Variants in PDE1C observed in about 807,000 individuals in gnomAD.
PDE1C encodes phosphodiesterase 1C.
Under a neutral mutation model 93.1 loss-of-function variants are expected in PDE1C, and 62 were observed. The observed-to-expected ratio is 0.67, with a 90% CI of 0.54 to 0.82. The LOEUF is 0.82. Among genes scored for constraint, PDE1C ranks in the 40% least tolerant of loss-of-function variants. The pLI is 0.00. For missense variants in PDE1C, 742 were observed against 884.6 expected (o/e 0.84, Z 2.04); for synonymous variants, 325 against 310.1 (o/e 1.05, Z -0.50).
intron 2 of PDE1C, among the ~76,000 whole-genome samples, chr7:31,946,414 G>T (rs1450079117): frequency 6.6e-6 from 1 of 152,012 alleles, no homozygotes; most frequent in African/African-American, 2.4e-5. Context: ...TGGAATCCAG[G>T]GCTCAGGGCA....
At chr7:32,231,671 C>A (rs931071818) in intron 1 of PDE1C, among the ~76,000 whole-genome samples, 1 of 152,026 alleles carries the variant, frequency 6.6e-6, no homozygotes. Flanking sequence ...CTGAAAAGGA[C>A]AACACATGAA....
intron 1 of PDE1C, among the ~76,000 whole-genome samples, chr7:32,052,481 A>T (rs1793525206): frequency 6.6e-6 from 1 of 152,196 alleles, no homozygotes; most frequent in African/African-American, 2.4e-5. Flanking sequence ...AAGAGTTTCA[A>T]TAGGCTCAGC....
rs530688131 is a variant in PDE1C, at chr7:32,312,624, G to A, written c.311-103085C>T. Among the ~76,000 whole-genome samples, 13 of 152,246 alleles carry A rather than the reference G, an allele frequency of 8.5e-5. No individual in the cohort carries two copies. In the South Asian group the frequency reaches 2.7e-3, roughly 32 times the overall value. On this transcript the variant is annotated intron_variant, in intron 1 of 1. Transcript: ENST00000672256. Reference sequence around the variant, plus strand: ...GCATATCTACAACCATCTGGTCTTTGACAAACCTGACAAAAACAAGAAATG... The same window carrying A: ...GCATATCTACAACCATCTGGTCTTTAACAAACCTGACAAAAACAAGAAATG...
chr7:32,289,725 T>G (rs1321229755), intron 1 of PDE1C, among the ~76,000 whole-genome samples: 1 of 152,168 alleles, frequency 6.6e-6, no homozygotes, highest in Non-Finnish European at 1.5e-5. Context: ...TAATTTCAGC[T>G]TGTGAATGCT....
At chr7:31,984,339 G>A (rs1418110383) in intron 2 of PDE1C, among the ~76,000 whole-genome samples, 1 of 152,124 alleles carries the variant, frequency 6.6e-6, no homozygotes, top group Non-Finnish European at 1.5e-5. Context: ...ATGATCTGAG[G>A]TAGGACAGTT....
At chr7:32,021,643 G>A (rs1167432552) in intron 2 of PDE1C, among the ~76,000 whole-genome samples, 1 of 151,908 alleles carries the variant, frequency 6.6e-6, no homozygotes, top group South Asian at 2.1e-4. Flanking sequence ...AGAATTTTGT[G>A]TACCAATAAA....
chr7:32,266,417 C>T (rs1015275369), intron 1 of PDE1C, among the ~76,000 whole-genome samples: 3 of 152,052 alleles, frequency 2.0e-5, no homozygotes, highest in Non-Finnish European at 4.4e-5. Context: ...AGGAGAATCG[C>T]TTGAACACGG....
intron 9 of PDE1C, among the ~76,000 whole-genome samples, chr7:31,844,803 C>G (rs761969480): frequency 5.9e-5 from 9 of 152,002 alleles, no homozygotes; most frequent in Non-Finnish European, 1.0e-4. Flanking sequence ...AATTATCCCA[C>G]ATGTCCCTAA....
At chr7:31,873,432 G>A (rs1411989882) in intron 5 of PDE1C, 24 bp from the exon 6 acceptor site, 9 of 1,443,022 alleles carry the variant, frequency 6.2e-6, no homozygotes, top group Non-Finnish European at 8.8e-6. Context: ...TGGGGAGAAA[G>A]AACACATTAG....
At chr7:32,176,694 CACA>C (rs1562550219) in intron 2 of PDE1C, among the ~76,000 whole-genome samples, 22 of 151,840 alleles carry the variant, frequency 1.4e-4, no homozygotes, top group African/African-American at 4.3e-4. Context: ...AATATGCACA[CACA>C]CGTACTCACA....
intron 2 of PDE1C, among the ~76,000 whole-genome samples, chr7:32,196,705 GGGA>G (rs1386714851): frequency 1.3e-5 from 2 of 152,180 alleles, no homozygotes; most frequent in Admixed American, 6.5e-5. Context: ...TGCTCTGGCA[GGGA>G]GGAGAATTGA....
intron 2 of PDE1C, among the ~76,000 whole-genome samples, chr7:31,932,386 C>T (rs1358871171): frequency 6.6e-6 from 1 of 152,064 alleles, no homozygotes; most frequent in African/African-American, 2.4e-5. Context: ...AAGAAAACGA[C>T]CCCATCAAAA....
At chr7:32,417,661 C>G (rs1163075730) in intron 1 of PDE1C, among the ~76,000 whole-genome samples, 1 of 138,712 alleles carries the variant, frequency 7.2e-6, no homozygotes. Flanking sequence ...TACTATAATC[C>G]CAATTTAGTA....
At chr7:31,890,014 AT>A (rs1298700054) in intron 2 of PDE1C, among the ~76,000 whole-genome samples, 2 of 152,150 alleles carry the variant, frequency 1.3e-5, no homozygotes, top group East Asian at 3.9e-4. Flanking sequence ...ATTCCAAATT[AT>A]GCTAAGAAAA....
At chr7:31,973,632 G>T (rs1402546001) in intron 2 of PDE1C, among the ~76,000 whole-genome samples, 1 of 152,180 alleles carries the variant, frequency 6.6e-6, no homozygotes, top group Non-Finnish European at 1.5e-5. Context: ...TTCCTATGAA[G>T]TAGTTATTAT....
intron 2 of PDE1C, among the ~76,000 whole-genome samples, chr7:31,901,104 A>G (rs1181469075): frequency 6.7e-6 from 1 of 150,128 alleles, no homozygotes; most frequent in African/African-American, 2.4e-5. Context: ...GACTGGAATA[A>G]GGCAAGGATG....
chr7:32,057,482 A>C (rs1377818496), intron 1 of PDE1C, among the ~76,000 whole-genome samples: 1 of 152,190 alleles, frequency 6.6e-6, no homozygotes, highest in African/African-American at 2.4e-5. Flanking sequence ...AGCTGGTCAC[A>C]TCCTGACAGG....
At chr7:32,374,183 A>AAAGAAAGAAAGAAAGAAAGAAAGAAAG (rs1562695812) in intron 1 of PDE1C, among the ~76,000 whole-genome samples, 1 of 119,694 alleles carries the variant, frequency 8.4e-6, no homozygotes, top group African/African-American at 3.2e-5. Flanking sequence ...AGAAAGAAAG[A>AAAGAAAGAAAGAAAGAAAGAAAGAAAG]AAGAAAGAAA....
chr7:31,878,922 C>T, intron 4 of PDE1C, 74 bp downstream of exon 4: 1 of 1,431,818 alleles, frequency 7.0e-7, no homozygotes. Flanking sequence ...TACATTAAAG[C>T]AAAGCTTCCA....
Sources: gnomAD v4.1 joint callset for allele counts (sites outside exome capture counted in the v4.1 genomes callset) on GRCh38, gnomAD v4.1.1 for gene constraint, MANE v1.5 for transcripts, NCBI Gene and HGNC (gene_info 2026-07-23, HGNC 2026-07-21) for gene names.